MTERF3: variants seen among roughly 807,000 people sequenced by gnomAD.
The protein encoded by MTERF3 is transcription termination factor 3, mitochondrial.
Under a neutral mutation model 40.5 loss-of-function variants are expected in MTERF3, and 40 were observed. The observed-to-expected ratio is 0.99, with a 90% CI of 0.77 to 1.29. The LOEUF is 1.29. Ranked by LOEUF, MTERF3 falls within the 50% of genes most tolerant of loss-of-function variation. MTERF3 has a pLI of 0.00. For synonymous variants in MTERF3, 158 were observed against 166.6 expected, an observed-to-expected ratio of 0.95 and a Z score of 0.40; for missense variants, 452 against 478.2, an observed-to-expected ratio of 0.95 and a Z score of 0.51.
rs912462956 is a variant in MTERF3 at position 96,246,405 on chromosome 8, T to C, written c.727A>G (p.Met243Val). The part of the protein sequence containing the change: ...KNFSKADVAQ[M>V]VRKAPFLLNF... ...AGCAAAAATGGTGCTTTTCTGACCA[T>C]CTGTGCAACATCTGCTTTACTGAAA... Residue 243 changes from methionine to valine, a missense_variant, in exon 5 of 8, where the codon ATG becomes GTG. Coordinates refer to ENST00000287025, the MANE Select transcript of MTERF3 (RefSeq NM_015942.5). The C allele has an allele frequency of 6.2e-7, 1 of 1,613,008 alleles. No individual in the cohort carries two copies. The highest frequency in any genetic ancestry group is 1.7e-4 in the Middle Eastern group (1 of 6,050).
At chr8:96,260,620 C>T (rs1810365704) in intron 1 of MTERF3, among the ~76,000 whole-genome samples, 1 of 152,180 alleles carries the variant, frequency 6.6e-6, no homozygotes, top group African/African-American at 2.4e-5. Flanking sequence ...GAAGCCTTTC[C>T]ACACTCAATA....
At chr8:96,248,010 C>T (rs1197375653) in intron 4 of MTERF3, among the ~76,000 whole-genome samples, 1 of 152,178 alleles carries the variant, frequency 6.6e-6, no homozygotes, top group East Asian at 1.9e-4. Context: ...TCTGATGCTC[C>T]AACCAACAAA....
At chr8:96,253,874 G>A (rs924185194) in intron 3 of MTERF3, among the ~76,000 whole-genome samples, 22 of 151,752 alleles carry the variant, frequency 1.4e-4, no homozygotes, top group African/African-American at 5.3e-4. Flanking sequence ...TAGCCCAGAT[G>A]GCATGTGCCT....
chr8:96,250,990 A>T lies in MTERF3; in HGVS notation c.593T>A (p.Val198Glu), dbSNP rs1237315368. 1 of 1,607,522 alleles carries T rather than the reference A, an allele frequency of 6.2e-7. No homozygotes were observed. Residue 198 changes from valine (V) to glutamate (E), a missense_variant, in exon 4 of 8, where the codon GTG becomes GAG. Transcript: ENST00000287025. ...IKQMLLFLKD[V>E]GIEDNQLGAF... is the part of the protein sequence containing the mutation. ...TCCCAGTTGGTTATCCTCTATACCC[A>T]CATCTTTAAGAAACAGAAGCATTTG...
rs759908728 is a variant in MTERF3 at position 96,244,074 on chromosome 8, G to A, written c.904C>T (p.Arg302Cys). The change falls in exon 7 of 8, where the codon CGT becomes TGT. Residue 302 changes from arginine (R) to cysteine (C), a missense_variant. Transcript: ENST00000287025. ...EPVKENMKVYRLELGFKHNEI... is the reference protein window; with the variant it reads ...EPVKENMKVYCLELGFKHNEI... The stretch of plus-strand genomic sequence containing the variant: ...TTATGTTTAAAACCAAGTTCAAGAC[G>A]ATAAACCTAAAAGAAAGTAAATTTG... 8.1e-6 allele frequency: 13 copies of A among 1,609,430 alleles called. No individual in the cohort carries two copies. The highest frequency in any genetic ancestry group is 1.1e-5 in the South Asian group (1 of 90,832).
chr8:96,250,970 GT>G lies in MTERF3; in HGVS notation c.612del (p.Gln204HisfsTer6), dbSNP rs765815409. The G allele has an allele frequency of 1.2e-6, 2 of 1,607,510 alleles. No individual in the cohort carries two copies. The highest frequency in any genetic ancestry group is 1.7e-6 in the Non-Finnish European group (2 of 1,178,496). ...TGATTTTTTGTCAGGAATGCTCCCA[GT>G]TGGTTATCCTCTATACCCACATCTT... ...FLKDVGIEDN[Q>X]LGAFLTKNHA... On this transcript the variant is annotated frameshift_variant, in exon 4 of 8. Coordinates refer to ENST00000287025, the MANE Select transcript of MTERF3 (RefSeq NM_015942.5). LOFTEE classifies it high-confidence loss of function.
chr8:96,246,094 A>G (rs1294388556), intron 5 of MTERF3, among the ~76,000 whole-genome samples, 163 bp from the exon 6 acceptor site: 1 of 152,238 alleles, frequency 6.6e-6, no homozygotes, highest in Non-Finnish European at 1.5e-5. Flanking sequence ...TGTTTGGAAA[A>G]AAAGAAAACA....
chr8:96,253,266 G>A (rs781298037), intron 3 of MTERF3, among the ~76,000 whole-genome samples: 2 of 152,142 alleles, frequency 1.3e-5, no homozygotes, highest in Non-Finnish European at 2.9e-5. Flanking sequence ...AAAGAGACAA[G>A]GAGGCAAAAT....
intron 4 of MTERF3, 62 bp from the exon 5 acceptor site, chr8:96,246,516 A>G: frequency 1.4e-6 from 2 of 1,407,052 alleles, no homozygotes; most frequent in Non-Finnish European, 1.9e-6. Flanking sequence ...TTTGAGATGG[A>G]GTCTCATGCT....
chr8:96,256,844 A>G, intron 3 of MTERF3, 118 bp downstream of exon 3: 1 of 873,786 alleles, frequency 1.1e-6, no homozygotes, highest in Non-Finnish European at 1.6e-6. Flanking sequence ...CCTTTATGCT[A>G]TTAGACTTTT....
chr8:96,247,860 TCTTCATATATAAAAGAA>T (rs1369006443), intron 4 of MTERF3, among the ~76,000 whole-genome samples: 1 of 152,120 alleles, frequency 6.6e-6, no homozygotes, highest in African/African-American at 2.4e-5. Context: ...GAACTAATTT[TCTTCATATATAAAAGAA>T]CGTTTACCGA....
rs1809878986 is a variant in MTERF3 at position 96,239,493 on chromosome 8, A to G, written c.1252T>C (p.Ter418GlnextTer19). ...TGCATTTTAACATACATAAAAATCT[A>G]AAGCGTTTTTAAGAATTTTTCAAAG... Reference protein sequence around the residue: ...QDFEKFLKTL* With the variant: ...QDFEKFLKTLQ Residue 418 changes from the stop codon to glutamine, a stop_lost, in exon 8 of 8, where the codon TAG becomes CAG. Coordinates refer to ENST00000287025, the MANE Select transcript of MTERF3 (RefSeq NM_015942.5). 3 of 1,585,388 alleles carry G rather than the reference A, an allele frequency of 1.9e-6. No homozygotes were observed. Among genetic ancestry groups the G allele is most frequent in the African/African-American group, 1.4e-5 (1 of 73,244 alleles).
chr8:96,255,970 G>C (rs1054647654), intron 3 of MTERF3, among the ~76,000 whole-genome samples: 1 of 152,134 alleles, frequency 6.6e-6, no homozygotes, highest in Non-Finnish European at 1.5e-5. Flanking sequence ...TGAGAGATTA[G>C]AGGTGAGGTA....
intron 4 of MTERF3, among the ~76,000 whole-genome samples, chr8:96,250,685 A>AAGAGGAAGAG (rs1810158654): frequency 3.3e-5 from 1 of 29,992 alleles, no homozygotes; most frequent in Admixed American, 3.6e-4. Context: ...AAGAAGAAGG[A>AAGAGGAAGAG]GGAGGAGGAG....
chr8:96,250,682 A>AGAAGAC (rs1810157496), intron 4 of MTERF3, among the ~76,000 whole-genome samples: 1 of 25,212 alleles, frequency 4.0e-5, no homozygotes, highest in Non-Finnish European at 7.9e-5. Context: ...AAGAAGAAGA[A>AGAAGAC]GGAGGAGGAG....
intron 4 of MTERF3, among the ~76,000 whole-genome samples, chr8:96,248,848 T>C (rs1047536108): frequency 1.3e-5 from 2 of 152,236 alleles, no homozygotes; most frequent in African/African-American, 4.8e-5. Context: ...GAAATAAGAC[T>C]GCTGCATATA....
intron 3 of MTERF3, among the ~76,000 whole-genome samples, chr8:96,251,306 G>C (rs915183571): frequency 6.6e-6 from 1 of 152,146 alleles, no homozygotes; most frequent in Non-Finnish European, 1.5e-5. Context: ...GAGGAAAATA[G>C]AGCATTTAGT....
At chr8:96,260,996 C>T (rs1239225688) in intron 1 of MTERF3, among the ~76,000 whole-genome samples, 1 of 152,174 alleles carries the variant, frequency 6.6e-6, no homozygotes, top group African/African-American at 2.4e-5. Flanking sequence ...AAGGTGGTAA[C>T]CTGAAGTCTT....
chr8:96,250,692 G>C (rs1275860906), intron 4 of MTERF3, among the ~76,000 whole-genome samples: 1 of 66,528 alleles, frequency 1.5e-5, no homozygotes, highest in Admixed American at 1.3e-4. Context: ...AGGAGGAGGA[G>C]GAGGGGGGGA....
Sources: gnomAD v4.1 joint callset for allele counts (sites outside exome capture counted in the v4.1 genomes callset) on GRCh38, gnomAD v4.1.1 for gene constraint, MANE v1.5 for transcripts, NCBI Gene and HGNC (gene_info 2026-07-23, HGNC 2026-07-21) for gene names.